Variants in NUTM1 observed in about 807,000 individuals in gnomAD.
NUTM1 encodes the protein NUT family member 1.
NUTM1 carries 39 observed loss-of-function variants against 88.7 expected under a neutral mutation model. That is an observed-to-expected ratio of 0.44 (90% CI 0.34 to 0.57). NUTM1 has a LOEUF of 0.57. Ranked by LOEUF, NUTM1 falls within the 20% of genes least tolerant of loss-of-function variation. The pLI, the probability that NUTM1 is intolerant of heterozygous loss-of-function variation, is 0.01. For synonymous variants in NUTM1, 494 were observed against 538.0 expected, an observed-to-expected ratio of 0.92 and a Z score of 1.13; for missense variants, 1,350 against 1,414.5, an observed-to-expected ratio of 0.95 and a Z score of 0.73.
chr15:34,357,334 C>T lies in NUTM1; in HGVS notation c.3326C>T (p.Pro1109Leu). The T allele has an allele frequency of 1.2e-6, 2 of 1,614,172 alleles. No homozygotes were observed. Among genetic ancestry groups the T allele is most frequent in the Non-Finnish European group, 1.7e-6 (2 of 1,180,020 alleles). The change falls in exon 8 of 8, where the codon CCA becomes CTA. Residue 1109 changes from proline to leucine, a missense_variant. Transcript: ENST00000537011. Reference protein sequence around the residue: ...KSGKRALAGGPAPTEKTPHSG... With the variant: ...KSGKRALAGGLAPTEKTPHSG... The stretch of plus-strand genomic sequence containing the variant: ...GGGAAGCGAGCTCTAGCTGGAGGTC[C>T]AGCCCCTACTGAAAAGACACCCCAC...
Position 34,343,485 on chromosome 15 carries a change from G to A in NUTM1, c.-212G>A. The A allele has an allele frequency of 8.7e-7, 1 of 1,152,336 alleles. No homozygotes were observed. Among genetic ancestry groups the A allele is most frequent in the Non-Finnish European group, 1.2e-6 (1 of 829,900 alleles). 71.4% of individuals were successfully genotyped at this position (1,152,336 alleles called of 1,614,324 possible). The stretch of plus-strand genomic sequence containing the variant: ...AGGATTCAGAGCCCCTTTACCCTAG[G>A]GAAGAAAGAAGAGGTTTTCTTCCCT... On this transcript the variant is annotated 5_prime_UTR_variant, in exon 1 of 8. Transcript: ENST00000537011.
At chr15:34,346,522 A>G (rs1430039437) in intron 2 of NUTM1, among the ~76,000 whole-genome samples, 1 of 43,706 alleles carries the variant, frequency 2.3e-5, no homozygotes, top group Non-Finnish European at 4.9e-5. Context: ...GTGGGAAAAG[A>G]TAATCTGTAG....
In NUTM1 at chr15:34,354,102, A is replaced by T. The variant is rs142815986; in HGVS notation, c.1075+230A>T. On this transcript the variant is annotated intron_variant, in intron 5 of 7. Coordinates refer to ENST00000537011, the MANE Select transcript of NUTM1 (RefSeq NM_001284292.2). ...AAGTAAACTGACTACTCTCACCGAG[A>T]CTCTAAATTCAGCACATAATACCTC... Among the ~76,000 whole-genome samples the T allele has an allele frequency of 3.3e-5, 5 of 151,978 alleles. No homozygotes were observed. The East Asian group carries it at 7.7e-4, about 23-fold the overall frequency.
chr15:34,348,396 T>C lies in NUTM1; in HGVS notation c.528T>C (p.Val176=), dbSNP rs1380202146. 2 of 1,614,112 alleles carry C rather than the reference T, an allele frequency of 1.2e-6. No homozygotes were observed. The highest frequency in any genetic ancestry group is 2.2e-5 in the East Asian group (1 of 44,902). The change falls in exon 3 of 8, where the codon GTT becomes GTC. Residue 176 remains valine (V), a synonymous_variant. Coordinates refer to ENST00000537011, the MANE Select transcript of NUTM1 (RefSeq NM_001284292.2). ...AGACCATTCTGCCCTCTAAGGCTGTTGGTGTCAGCCAGGAGGGTCCTCCAG... is the reference window on the plus strand; with the variant it reads ...AGACCATTCTGCCCTCTAAGGCTGTCGGTGTCAGCCAGGAGGGTCCTCCAG... ...NVKTILPSKA[V]GVSQEGPPGL...
chr15:34,346,021 T>C lies in NUTM1; in HGVS notation c.86T>C (p.Met29Thr). The C allele has an allele frequency of 3.1e-6, 5 of 1,614,166 alleles. No homozygotes were observed. The highest frequency in any genetic ancestry group is 1.3e-5 in the African/African-American group (1 of 75,040). The change falls in exon 2 of 8, where the codon ATG (methionine) becomes ACG (threonine). Residue 29 changes from methionine (M) to threonine (T), a missense_variant. This residue lies in a region of NUTM1 where 399 missense variants were observed against 397.9 expected (regional missense o/e 1.00). Coordinates refer to ENST00000537011, the MANE Select transcript of NUTM1 (RefSeq NM_001284292.2). ...CAGTTAGTGCCCAAACCTGAGAGGA[T>C]GGCTTCAGATGGAGGTAAGTCTGCA... ...QPQLVPKPER[M>T]ASDGASALPG...
intron 1 of NUTM1, 133 bp downstream of exon 1, chr15:34,343,835 G>T (rs1386658127): frequency 1.3e-4 from 96 of 725,954 alleles, no homozygotes; most frequent in Non-Finnish European, 1.3e-5. Context: ...TCATTACAAA[G>T]ATCATCGTTA....
At position 34,357,473 on chromosome 15, in the gene NUTM1, A is replaced by G. The variant is rs776307046; in HGVS notation, c.3465A>G (p.Lys1155=). ...GTTTTGTCACGGGCAGAAGGAAGAA[A>G]CGACGTCGTAGCCAGTAGGGAGCAG... ...CDSFVTGRRK[K]RRRSQ Residue 1155 remains lysine (K), a synonymous_variant, in exon 8 of 8, where the codon AAA becomes AAG. Transcript: ENST00000537011. 4.3e-6 allele frequency: 7 copies of G among 1,612,734 alleles called. No individual in the cohort carries two copies. In the East Asian group the frequency reaches 1.3e-4, roughly 31 times the overall value.
intron 2 of NUTM1, among the ~76,000 whole-genome samples, chr15:34,346,698 A>G (rs1890594530): frequency 2.3e-5 from 1 of 44,192 alleles, no homozygotes. Context: ...CCTGGCCAAC[A>G]TGGCGTAAAC....
In NUTM1 at chr15:34,343,674, C is replaced by A. The variant is rs1278091162; in HGVS notation, c.-23C>A. ...ACCAAGATTTAAAGTTAGGTCCCTA[C>A]CGCAAATTCAGCGCTCTTTCTTATG... On this transcript the variant is annotated 5_prime_UTR_variant, in exon 1 of 8. An upstream open reading frame in the 5' UTR gains an earlier in-frame stop. Coordinates refer to ENST00000537011, the MANE Select transcript of NUTM1 (RefSeq NM_001284292.2). The A allele has an allele frequency of 6.5e-7, 1 of 1,533,032 alleles. No homozygotes were observed. The highest frequency in any genetic ancestry group is 8.7e-7 in the Non-Finnish European group (1 of 1,144,534). The allele number at this position is 1,533,032 out of a possible 1,614,324, so 95.0% of individuals were successfully genotyped here.
Position 34,356,191 on chromosome 15 carries a change from G to C in NUTM1, c.2183G>C (p.Ser728Thr). 1 of 1,609,522 alleles carries C rather than the reference G, an allele frequency of 6.2e-7. No homozygotes were observed. The highest frequency in any genetic ancestry group is 8.5e-7 in the Non-Finnish European group (1 of 1,176,594). ...GDDRGTPMAQ[S>T]YDQNPSPRAA... ...GACAGAGGTACCCCCATGGCTCAGAGTTATGATCAGAATCCTTCCCCTAGA... is the reference window on the plus strand; with the variant it reads ...GACAGAGGTACCCCCATGGCTCAGACTTATGATCAGAATCCTTCCCCTAGA... The change falls in exon 8 of 8, where the codon AGT (serine) becomes ACT (threonine). Residue 728 changes from serine (S) to threonine (T), a missense_variant. Ser to Thr is a moderately conservative substitution (Grantham distance 58, BLOSUM62 1). Around this residue, in one of 5 missense-constraint regions of NUTM1, gnomAD observed 730 missense variants for 728.8 expected, o/e 1.00. Transcript: ENST00000537011.
In NUTM1 at chr15:34,343,430, GT is replaced by G; in HGVS notation, c.-263del. On this transcript the variant is annotated 5_prime_UTR_variant, in exon 1 of 8. Transcript: ENST00000537011. ...TACACACCCATTTCAGGAGCAGTGA[GT>G]TTTCAATGCCTGAAGAAACAAGGGC... 1.5e-6 allele frequency: 1 copy of G among 685,546 alleles called. No homozygotes were observed. Among genetic ancestry groups the G allele is most frequent in the Non-Finnish European group, 2.4e-6 (1 of 415,466 alleles). The allele number at this position is 685,546 out of a possible 1,614,324, so 42.5% of individuals were successfully genotyped here. A position where few individuals can be genotyped will look rare whatever the true frequency, so the allele number is the denominator to read the frequency against.
At chr15:34,344,013 G>C (rs889172054) in intron 1 of NUTM1, among the ~76,000 whole-genome samples, 1 of 150,394 alleles carries the variant, frequency 6.6e-6, no homozygotes, top group Non-Finnish European at 1.5e-5. Context: ...ACAGGTCAAG[G>C]GTTCGAGACC....
rs1890578263 is a variant in NUTM1, at chr15:34,345,945, A to T, written c.10A>T (p.Thr4Ser). 6.2e-7 allele frequency: 1 copy of T among 1,613,752 alleles called. No homozygotes were observed. The highest frequency in any genetic ancestry group is 1.1e-5 in the South Asian group (1 of 91,052). MVVTLGPGPDCLIL... is the reference protein window; with the variant it reads MVVSLGPGPDCLIL... ...CCTGTGCACCTACTGGAGCCAGGTTACTCTGGGTCCTGGACCTGACTGCCT... is the reference window on the plus strand; with the variant it reads ...CCTGTGCACCTACTGGAGCCAGGTTTCTCTGGGTCCTGGACCTGACTGCCT... The change falls in exon 2 of 8, where the codon ACT becomes TCT. Residue 4 changes from threonine (T) to serine (S), a missense_variant. By Grantham distance (58) the Thr-to-Ser change is moderately conservative. Around this residue, in one of 5 missense-constraint regions of NUTM1, gnomAD observed 399 missense variants for 397.9 expected, o/e 1.00. Transcript: ENST00000537011.
In NUTM1 at chr15:34,357,487, A is replaced by C. The variant is rs755162794; in HGVS notation, c.3479A>C (p.Gln1160Pro). Residue 1160 changes from glutamine (Q) to proline (P), a missense_variant, in exon 8 of 8, where the codon CAG becomes CCG. Gln to Pro is a moderately conservative substitution (Grantham distance 76, BLOSUM62 -1). Transcript: ENST00000537011. ...TGRRKKRRRS[Q>P] Reference sequence around the variant, plus strand: ...AGAAGGAAGAAACGACGTCGTAGCCAGTAGGGAGCAGCGGGACCATCTGAC... The same window carrying C: ...AGAAGGAAGAAACGACGTCGTAGCCCGTAGGGAGCAGCGGGACCATCTGAC... 1 of 1,612,740 alleles carries C rather than the reference A, an allele frequency of 6.2e-7. No homozygotes were observed. Among genetic ancestry groups the C allele is most frequent in the Non-Finnish European group, 8.5e-7 (1 of 1,179,556 alleles).
Position 34,353,725 on chromosome 15 carries a change from A to G in NUTM1, c.939-11A>G. 2 of 1,613,878 alleles carry G rather than the reference A, an allele frequency of 1.2e-6. No homozygotes were observed. The highest frequency in any genetic ancestry group is 1.7e-6 in the Non-Finnish European group (2 of 1,179,966). The stretch of plus-strand genomic sequence containing the variant: ...TCTCAGCATTGCCTATGCCTTTCTC[A>G]CCCTCTGCAGGTTCATGGAGTTTGA... On this transcript the variant is annotated splice_polypyrimidine_tract_variant and intron_variant, in intron 4 of 7. Coordinates refer to ENST00000537011, the MANE Select transcript of NUTM1 (RefSeq NM_001284292.2).
intron 1 of NUTM1, 29 bp from the exon 2 acceptor site, chr15:34,345,913 T>TTGCACCTAC (rs778976722): frequency 1.2e-6 from 2 of 1,613,258 alleles, no homozygotes; most frequent in Non-Finnish European, 1.7e-6. Context: ...CTTCCCTTCC[T>TTGCACCTAC]TGGATCCCTG....
rs190014186 is a variant in NUTM1 at position 34,343,330 on chromosome 15, T to C, written c.-367T>C. On this transcript the variant is annotated 5_prime_UTR_variant, in exon 1 of 8. Coordinates refer to ENST00000537011, the MANE Select transcript of NUTM1 (RefSeq NM_001284292.2). ...TGGAGTGTCCCTACTGTGTGCTAGGTACACGGCGTTAGAGGGGGGTAGGGA... is the reference window on the plus strand; with the variant it reads ...TGGAGTGTCCCTACTGTGTGCTAGGCACACGGCGTTAGAGGGGGGTAGGGA... The C allele has an allele frequency of 6.4e-6, 4 of 623,978 alleles. No homozygotes were observed. The East Asian group carries it at 1.1e-4, about 17-fold the overall frequency. The allele number at this position is 623,978 out of a possible 1,614,324, so 38.7% of individuals were successfully genotyped here.
In NUTM1 at chr15:34,348,681, A is replaced by G; in HGVS notation, c.809+4A>G. ...AAGCTCTTTCCTGTTTTCTTATGTA[A>G]GTGGGGAGACCGGAGATTAATTATT... is the stretch of plus-strand genomic sequence containing the variant. On this transcript the variant is annotated splice_donor_region_variant and intron_variant, in intron 3 of 7. Coordinates refer to ENST00000537011, the MANE Select transcript of NUTM1 (RefSeq NM_001284292.2). 1.9e-6 allele frequency: 3 copies of G among 1,575,374 alleles called. No individual in the cohort carries two copies. Among genetic ancestry groups the G allele is most frequent in the African/African-American group, 1.3e-5 (1 of 74,352 alleles).
chr15:34,354,762 G>A, intron 6 of NUTM1, 30 bp downstream of exon 6: 1 of 1,610,990 alleles, frequency 6.2e-7, no homozygotes. Flanking sequence ...CTTGTTTCTA[G>A]CAGATCCTTG....
Sources: allele counts gnomAD v4.1 joint callset (sites outside exome capture counted in the v4.1 genomes callset), GRCh38; gene constraint gnomAD v4.1.1; regional missense constraint gnomAD v4.1.1; transcripts MANE v1.5; gene names NCBI Gene and HGNC (gene_info 2026-07-23, HGNC 2026-07-21).